TBC1D12: variants seen among roughly 807,000 people sequenced by gnomAD.
TBC1D12 encodes TBC1 domain family, member 12.
A neutral mutation model predicts 86.7 loss-of-function variants in TBC1D12; 56 were observed. The ratio of observed to expected loss-of-function variants is 0.65; its 90% CI spans 0.52 to 0.81. The LOEUF is 0.81. Among genes scored for constraint, TBC1D12 ranks in the 30% least tolerant of loss-of-function variants. TBC1D12 has a pLI of 0.00. For synonymous variants in TBC1D12, 421 were observed against 411.7 expected, an observed-to-expected ratio of 1.02 and a Z score of -0.27; for missense variants, 1,023 against 1,038.8, an observed-to-expected ratio of 0.98 and a Z score of 0.21.
chr10:94,453,555 CACATAGAGG>C (rs1564953870), intron 2 of TBC1D12, among the ~76,000 whole-genome samples: 4 of 151,974 alleles, frequency 2.6e-5, no homozygotes, highest in African/African-American at 9.7e-5. Flanking sequence ...AGGAAAAAAG[CACATAGAGG>C]GTTCAGTATC....
intron 12 of TBC1D12, among the ~76,000 whole-genome samples, chr10:94,531,842 AT>A (rs1174252814): frequency 4.3e-5 from 6 of 137,986 alleles, no homozygotes; most frequent in African/African-American, 1.6e-4. Flanking sequence ...ATGTTATTTT[AT>A]TTTATGTTAT....
At chr10:94,435,973 G>C (rs367915432) in intron 1 of TBC1D12, among the ~76,000 whole-genome samples, 19 of 151,892 alleles carry the variant, frequency 1.3e-4, no homozygotes, top group African/African-American at 4.6e-4. Context: ...TTTATGCTTG[G>C]GTATGTTTCT....
intron 3 of TBC1D12, among the ~76,000 whole-genome samples, chr10:94,487,702 T>C (rs1484565169): frequency 6.8e-6 from 1 of 147,912 alleles, no homozygotes; most frequent in African/African-American, 2.5e-5. Context: ...CTCTTTTTTT[T>C]TTTTTTTTTT....
chr10:94,512,038 A>T (rs2056534880), intron 9 of TBC1D12, among the ~76,000 whole-genome samples: 1 of 151,948 alleles, frequency 6.6e-6, no homozygotes, highest in Non-Finnish European at 1.5e-5. Flanking sequence ...AGGGGAGGGG[A>T]TTTGCTCCTT....
chr10:94,507,439 ATCT>A, intron 7 of TBC1D12, 92 bp downstream of exon 7: 1 of 1,081,556 alleles, frequency 9.2e-7, no homozygotes, highest in Non-Finnish European at 1.3e-6. Context: ...TACATATATC[ATCT>A]TATTTAATCT....
Position 94,505,512 on chromosome 10 carries a change from G to A in TBC1D12, c.1520-1755G>A, listed in dbSNP as rs569398557. 2.0e-5 allele frequency among the ~76,000 whole-genome samples: 3 copies of A among 152,300 alleles called. No homozygotes were observed. In the South Asian group the frequency reaches 6.2e-4, roughly 32 times the overall value. Reference sequence around the variant, plus strand: ...TGCTTGAACCCGGGAGGGGGAGGTTGCAATGAGCTGAGGTCACACCACTGC... The same window carrying A: ...TGCTTGAACCCGGGAGGGGGAGGTTACAATGAGCTGAGGTCACACCACTGC... On this transcript the variant is annotated intron_variant, in intron 6 of 12. Transcript: ENST00000225235.
intron 2 of TBC1D12, among the ~76,000 whole-genome samples, chr10:94,451,373 A>G (rs1042000441): frequency 6.6e-6 from 1 of 152,142 alleles, no homozygotes; most frequent in Non-Finnish European, 1.5e-5. Context: ...GGACAAGTTT[A>G]TTAAGATTTT....
intron 2 of TBC1D12, among the ~76,000 whole-genome samples, chr10:94,443,386 T>G (rs924381065): frequency 1.4e-4 from 21 of 152,222 alleles, no homozygotes; most frequent in African/African-American, 5.1e-4. Flanking sequence ...TAAATGATGA[T>G]GCTCCTGCCT....
At chr10:94,471,504 T>C (rs1157563524) in intron 2 of TBC1D12, among the ~76,000 whole-genome samples, 4 of 152,180 alleles carry the variant, frequency 2.6e-5, no homozygotes, top group African/African-American at 4.8e-5. Flanking sequence ...AACCCACACC[T>C]TTCTAATCTT....
intron 2 of TBC1D12, among the ~76,000 whole-genome samples, chr10:94,457,338 GT>G (rs907668848): frequency 2.6e-5 from 4 of 152,078 alleles, no homozygotes; most frequent in African/African-American, 9.7e-5. Flanking sequence ...CTTAAAGTGG[GT>G]TTTTTTGTAG....
At chr10:94,419,100 C>T (rs1256939452) in intron 1 of TBC1D12, among the ~76,000 whole-genome samples, 2 of 151,994 alleles carry the variant, frequency 1.3e-5, no homozygotes, top group Non-Finnish European at 2.9e-5. Context: ...GTCTTGATCT[C>T]CTGACCTCGT....
intron 1 of TBC1D12, among the ~76,000 whole-genome samples, chr10:94,421,498 TC>T (rs1462069307): frequency 2.6e-5 from 4 of 152,234 alleles, no homozygotes; most frequent in Non-Finnish European, 5.9e-5. Flanking sequence ...AGAGTGTAGT[TC>T]CTTTTGGCAT....
chr10:94,472,021 GAT>G (rs2055914530), intron 2 of TBC1D12, among the ~76,000 whole-genome samples: 1 of 152,128 alleles, frequency 6.6e-6, no homozygotes, highest in Admixed American at 6.5e-5. Context: ...CTCCTTTTGT[GAT>G]ATTTAAGTGG....
chr10:94,493,451 T>A lies in TBC1D12; in HGVS notation c.1294+4T>A, dbSNP rs552152509. 29 of 1,604,996 alleles carry A rather than the reference T, an allele frequency of 1.8e-5. 1 individual carries two copies. The South Asian group carries it at 3.0e-4, about 17-fold the overall frequency. On this transcript the variant is annotated splice_donor_region_variant and intron_variant, in intron 4 of 12. Transcript: ENST00000225235. ...GTGGCTGAGGCTAAAAAACGAGGTATAAAATTTAACTCCAAATGGTATAAT... is the reference window on the plus strand; with the variant it reads ...GTGGCTGAGGCTAAAAAACGAGGTAAAAAATTTAACTCCAAATGGTATAAT...
At chr10:94,455,276 G>A (rs1282791965) in intron 2 of TBC1D12, among the ~76,000 whole-genome samples, 5 of 151,704 alleles carry the variant, frequency 3.3e-5, no homozygotes, top group Non-Finnish European at 7.4e-5. Flanking sequence ...ATACATTGTT[G>A]GATTAGATTT....
At chr10:94,433,800 C>T (rs902514204) in intron 1 of TBC1D12, among the ~76,000 whole-genome samples, 1 of 151,980 alleles carries the variant, frequency 6.6e-6, no homozygotes. Flanking sequence ...TGCTTAAGCC[C>T]TTCTATTTTA....
chr10:94,412,095 G>A (rs1293376331), intron 1 of TBC1D12, among the ~76,000 whole-genome samples: 2 of 152,132 alleles, frequency 1.3e-5, no homozygotes, highest in African/African-American at 4.8e-5. Flanking sequence ...AGGCTGCTTG[G>A]GTTTGAATTA....
Position 94,536,084 on chromosome 10 carries a change from A to C in TBC1D12, c.*2988A>C, listed in dbSNP as rs1294429834. Among the ~76,000 whole-genome samples, 1 of 152,154 alleles carries C rather than the reference A, an allele frequency of 6.6e-6. No homozygotes were observed. The highest frequency in any genetic ancestry group is 1.9e-4 in the East Asian group (1 of 5,198). ...GTCTTTTTAGACTGACAGTACTGGC[A>C]GCTAAAATATTGTACTGTATCTTCT... On this transcript the variant is annotated 3_prime_UTR_variant, in exon 13 of 13. Coordinates refer to ENST00000225235, the MANE Select transcript of TBC1D12 (RefSeq NM_015188.2).
intron 1 of TBC1D12, among the ~76,000 whole-genome samples, chr10:94,435,019 G>T (rs2055275243): frequency 6.6e-6 from 1 of 152,156 alleles, no homozygotes; most frequent in Non-Finnish European, 1.5e-5. Context: ...TTTCATTCAT[G>T]GTGATGAATT....
Sources: gnomAD v4.1 joint callset for allele counts (sites outside exome capture counted in the v4.1 genomes callset) on GRCh38, gnomAD v4.1.1 for gene constraint, MANE v1.5 for transcripts, NCBI Gene and HGNC (gene_info 2026-07-23, HGNC 2026-07-21) for gene names.